Variants in PRTG observed in about 807,000 individuals in gnomAD.
The protein encoded by PRTG is protogenin.
In PRTG, 67 loss-of-function variants were observed where a neutral mutation model predicts 122.5. The observed-to-expected ratio is 0.55, with a 90% confidence interval of 0.45 to 0.67. The LOEUF is 0.67. PRTG is among the 30% of genes least tolerant of loss of function. PRTG has a pLI of 0.00. For synonymous variants in PRTG, 554 were observed against 501.1 expected (o/e 1.11, Z -1.41); for missense variants, 1,435 against 1,415.4 (o/e 1.01, Z -0.22).
chr15:55,624,277 A>C, intron 18 of PRTG, 65 bp downstream of exon 18: 3 of 1,477,168 alleles, frequency 2.0e-6, no homozygotes, highest in Non-Finnish European at 2.8e-6. Context: ...GGGGAAGTAC[A>C]TTTTACACAC....
chr15:55,630,232 C>T (rs1048804863), intron 15 of PRTG, among the ~76,000 whole-genome samples: 1 of 152,090 alleles, frequency 6.6e-6, no homozygotes, highest in African/African-American at 2.4e-5. Context: ...GTGATCTGCC[C>T]GCCTCGGCCT....
chr15:55,679,194 T>C (rs1009564278), intron 7 of PRTG, 92 bp downstream of exon 7: 2 of 760,706 alleles, frequency 2.6e-6, no homozygotes, highest in Non-Finnish European at 4.2e-6. Context: ...TCAAGATAAT[T>C]TAGGTATTTG....
At chr15:55,631,637 G>T (rs1295954772) in intron 15 of PRTG, among the ~76,000 whole-genome samples, 1 of 152,078 alleles carries the variant, frequency 6.6e-6, no homozygotes, top group Non-Finnish European at 1.5e-5. Flanking sequence ...CCTTTTATAT[G>T]TGTCTGAATC....
At chr15:55,717,668 T>G (rs185313282) in intron 2 of PRTG, among the ~76,000 whole-genome samples, 6 of 152,394 alleles carry the variant, frequency 3.9e-5, no homozygotes, top group Admixed American at 3.3e-4. Flanking sequence ...TATTACTTAA[T>G]GACATCTATG....
chr15:55,626,154 G>A (rs373945621), intron 17 of PRTG, among the ~76,000 whole-genome samples: 3 of 152,106 alleles, frequency 2.0e-5, no homozygotes, highest in Admixed American at 6.6e-5. Flanking sequence ...GGTGGCTCAC[G>A]CCTGTAATTG....
chr15:55,687,565 GA>G (rs1305113010), intron 2 of PRTG, among the ~76,000 whole-genome samples: 1 of 152,078 alleles, frequency 6.6e-6, no homozygotes, highest in Non-Finnish European at 1.5e-5. Flanking sequence ...AAATCCCTAA[GA>G]TTTTTTTATT....
chr15:55,706,277 TGA>T (rs532871572), intron 2 of PRTG, among the ~76,000 whole-genome samples: 44 of 151,754 alleles, frequency 2.9e-4, no homozygotes, highest in Non-Finnish European at 5.6e-4. Context: ...AAAACAAAAC[TGA>T]GAGTTGGGGA....
At chr15:55,738,738 G>A (rs1290063143) in intron 2 of PRTG, 2 of 347,256 alleles carry the variant, frequency 5.8e-6, no homozygotes, top group East Asian at 8.9e-5. Flanking sequence ...AGGAAGGCAT[G>A]CAGGCAGGCA....
chr15:55,726,398 A>G (rs2031030858), intron 2 of PRTG, among the ~76,000 whole-genome samples: 1 of 152,150 alleles, frequency 6.6e-6, no homozygotes, highest in African/African-American at 2.4e-5. Context: ...TTTAGATCCA[A>G]AGACGCAAAT....
At position 55,615,336 on chromosome 15, in the gene PRTG, T is replaced by A. The variant is rs989707003; in HGVS notation, c.*4676A>T. The A allele has an allele frequency of 6.6e-6, 1 of 152,050 alleles. No homozygotes were observed. Among genetic ancestry groups the A allele is most frequent in the Non-Finnish European group, 1.5e-5 (1 of 67,986 alleles). The allele number at this position is 152,050 out of a possible 1,614,324, so 9.4% of individuals were successfully genotyped here. A position where few individuals can be genotyped will look rare whatever the true frequency, so the allele number is the denominator to read the frequency against. On this transcript the variant is annotated 3_prime_UTR_variant, in exon 20 of 20. Transcript: ENST00000389286. ...TCATGGTAATGTGTTACAGCAGCAA[T>A]AGGAAAAATAATACAGTATCTGGTA... is the stretch of plus-strand genomic sequence containing the variant.
chr15:55,653,653 G>A (rs930017862), intron 11 of PRTG, among the ~76,000 whole-genome samples: 5 of 152,026 alleles, frequency 3.3e-5, no homozygotes, highest in East Asian at 3.9e-4. Flanking sequence ...TAGTAGAGAC[G>A]GGGTTTTGCC....
intron 6 of PRTG, chr15:55,679,800 G>A (rs887952763): frequency 1.4e-5 from 7 of 487,976 alleles, no homozygotes; most frequent in African/African-American, 1.2e-4. Context: ...TATGTGTGTA[G>A]GTGTGATGGA....
intron 10 of PRTG, among the ~76,000 whole-genome samples, chr15:55,672,978 T>C (rs1468841884): frequency 1.3e-5 from 2 of 152,160 alleles, no homozygotes; most frequent in African/African-American, 4.8e-5. Flanking sequence ...AAACCAGTCG[T>C]GTTACATTCC....
chr15:55,709,231 T>C (rs1195710582), intron 2 of PRTG, among the ~76,000 whole-genome samples: 1 of 145,382 alleles, frequency 6.9e-6, no homozygotes, highest in Non-Finnish European at 1.5e-5. Flanking sequence ...AATTTCTTTA[T>C]GGCCGTAATT....
At chr15:55,738,001 TC>T (rs1567121625) in intron 2 of PRTG, among the ~76,000 whole-genome samples, 3,334 of 68,896 alleles carry the variant, frequency 0.048, 131 homozygotes, top group African/African-American at 0.1. Flanking sequence ...TCTCTCTCTC[TC>T]TATATATATA....
chr15:55,698,480 A>C (rs2059643718), intron 2 of PRTG, among the ~76,000 whole-genome samples: 1 of 152,116 alleles, frequency 6.6e-6, no homozygotes, highest in South Asian at 2.1e-4. Flanking sequence ...TGATAGAGTC[A>C]GGGTTTCACC....
chr15:55,715,816 A>G (rs1311435366), intron 2 of PRTG, among the ~76,000 whole-genome samples: 2 of 152,354 alleles, frequency 1.3e-5, no homozygotes, highest in East Asian at 3.9e-4. Flanking sequence ...TTGGTCTCTC[A>G]GCAAACATGA....
chr15:55,661,763 C>T (rs566398925), intron 11 of PRTG, among the ~76,000 whole-genome samples: 12 of 152,282 alleles, frequency 7.9e-5, no homozygotes, highest in African/African-American at 2.6e-4. Context: ...CTCCCCACCA[C>T]CATTGTCTGC....
At chr15:55,683,056 CAG>C (rs1262309311) in intron 3 of PRTG, among the ~76,000 whole-genome samples, 3 of 152,132 alleles carry the variant, frequency 2.0e-5, no homozygotes, top group Non-Finnish European at 4.4e-5. Context: ...TCGAATTTTA[CAG>C]AGTCTCATTT....
Sources: allele counts gnomAD v4.1 joint callset (sites outside exome capture counted in the v4.1 genomes callset), GRCh38; gene constraint gnomAD v4.1.1; transcripts MANE v1.5; gene names NCBI Gene and HGNC (gene_info 2026-07-23, HGNC 2026-07-21).